The following WDR59 variants were observed in gnomAD, a reference collection of about 807,000 sequenced individuals.
The protein encoded by WDR59 is WD repeat domain 59, also known as GATOR2 complex protein WDR59.
In WDR59, 100 loss-of-function variants were observed where a neutral mutation model predicts 131.2. The observed-to-expected ratio is 0.76, with a 90% CI of 0.65 to 0.90. The LOEUF is 0.90. Among genes scored for constraint, WDR59 ranks in the 40% least tolerant of loss-of-function variants. WDR59 has a pLI of 0.00. For missense variants in WDR59, 1,203 were observed against 1,262.2 expected (o/e 0.95, Z 0.71); for synonymous variants, 601 against 466.2 (o/e 1.29, Z -3.72).
At chr16:74,920,201 T>G (rs2030056239) in intron 10 of WDR59, among the ~76,000 whole-genome samples, 1 of 152,176 alleles carries the variant, frequency 6.6e-6, no homozygotes, top group Non-Finnish European at 1.5e-5. Flanking sequence ...TTTTTTGACT[T>G]TATGATGGCG....
Position 74,874,245 on chromosome 16 carries a change from C to T in WDR59, c.2889G>A (p.Gly963=), listed in dbSNP as rs1320307647. The change falls in exon 26 of 26, where the codon GGG becomes GGA. Residue 963 remains glycine, a synonymous_variant. Transcript: ENST00000262144. ...TTTCAAGCAGGCAGTGGCACCCACA[C>T]CCGGTGGGACACACCTCCTGGGTCC... ...WFRTQEVCPT[G]CGCHCLLEST... 6.2e-7 allele frequency: 1 copy of T among 1,614,060 alleles called. No individual in the cohort carries two copies. The highest frequency in any genetic ancestry group is 2.2e-5 in the East Asian group (1 of 44,886).
At chr16:74,983,528 G>C (rs2034507071) in intron 1 of WDR59, among the ~76,000 whole-genome samples, 1 of 152,082 alleles carries the variant, frequency 6.6e-6, no homozygotes, top group Non-Finnish European at 1.5e-5. Flanking sequence ...CACTGTCCTA[G>C]GTGCTGGGGA....
intron 1 of WDR59, 46 bp downstream of exon 1, chr16:74,984,918 C>T (rs766491231): frequency 1.0e-4 from 160 of 1,588,448 alleles, no homozygotes; most frequent in Non-Finnish European, 1.3e-4. Context: ...GGAGGGGAAG[C>T]GGGGAGGACG....
chr16:74,976,820 C>T (rs1442891267), intron 1 of WDR59, among the ~76,000 whole-genome samples: 1 of 151,954 alleles, frequency 6.6e-6, no homozygotes, highest in Non-Finnish European at 1.5e-5. Context: ...GAGTTCGAGA[C>T]CAGCCTGGCC....
intron 10 of WDR59, among the ~76,000 whole-genome samples, chr16:74,919,994 C>G (rs1004156177): frequency 5.9e-5 from 9 of 151,780 alleles, no homozygotes; most frequent in African/African-American, 2.2e-4. Context: ...CTGCTCGAGC[C>G]CAGGAGGTCG....
intron 1 of WDR59, among the ~76,000 whole-genome samples, chr16:74,970,495 CAAAA>C (rs746574195): frequency 4.4e-3 from 145 of 33,290 alleles, no homozygotes; most frequent in African/African-American, 0.01. Context: ...ACTCTGTCTC[CAAAA>C]AAAAAAAAAA....
intron 18 of WDR59, among the ~76,000 whole-genome samples, chr16:74,903,388 A>T (rs1446246342): frequency 6.6e-6 from 1 of 152,172 alleles, no homozygotes; most frequent in Non-Finnish European, 1.5e-5. Context: ...TAACTACTTT[A>T]GGGACAATGA....
Position 74,893,819 on chromosome 16 carries a change from G to A in WDR59, c.1867-7C>T. ...TTTTCCATCGTCTTGATTTCTAGGGGTAGATGACAGGATGTAACTAATGGG... is the reference window on the plus strand; with the variant it reads ...TTTTCCATCGTCTTGATTTCTAGGGATAGATGACAGGATGTAACTAATGGG... On this transcript the variant is annotated splice_region_variant and splice_polypyrimidine_tract_variant and intron_variant, in intron 18 of 25. Coordinates refer to ENST00000262144, the MANE Select transcript of WDR59 (RefSeq NM_030581.4). 6.2e-7 allele frequency: 1 copy of A among 1,613,926 alleles called. No individual in the cohort carries two copies. The highest frequency in any genetic ancestry group is 8.5e-7 in the Non-Finnish European group (1 of 1,179,882).
intron 18 of WDR59, among the ~76,000 whole-genome samples, chr16:74,897,812 T>TA (rs1354133692): frequency 6.6e-6 from 1 of 152,188 alleles, no homozygotes; most frequent in East Asian, 1.9e-4. Context: ...TCACTGTCGG[T>TA]TTTTTATAAT....
At chr16:74,874,466 C>G (rs1023211497) in intron 25 of WDR59, 22 bp from the exon 26 acceptor site, 2 of 1,608,894 alleles carry the variant, frequency 1.2e-6, no homozygotes, top group Non-Finnish European at 1.7e-6. Flanking sequence ...CAGGGACGGG[C>G]AAAACAAGAG....
Position 74,893,794 on chromosome 16 carries a change from T to C in WDR59, c.1885A>G (p.Ser629Gly). The change falls in exon 19 of 26, where the codon AGT becomes GGT. Residue 629 changes from serine (S) to glycine (G), a missense_variant. Coordinates refer to ENST00000262144, the MANE Select transcript of WDR59 (RefSeq NM_030581.4). The part of the protein sequence containing the change: ...YKERKSRRWK[S>G]KREGSDSGNR... The stretch of plus-strand genomic sequence containing the variant: ...CCAGAGTCTGATCCCTCACGCTTAC[T>C]TTTCCATCGTCTTGATTTCTAGGGG... 1 of 1,614,078 alleles carries C rather than the reference T, an allele frequency of 6.2e-7. No individual in the cohort carries two copies.
intron 10 of WDR59, among the ~76,000 whole-genome samples, chr16:74,920,594 T>A (rs2030115448): frequency 6.6e-6 from 1 of 151,980 alleles, no homozygotes; most frequent in Non-Finnish European, 1.5e-5. Flanking sequence ...AGAGATGGGG[T>A]TTTGCCATGT....
chr16:74,889,032 G>T (rs563204117), intron 21 of WDR59, among the ~76,000 whole-genome samples: 4 of 152,314 alleles, frequency 2.6e-5, no homozygotes, highest in African/African-American at 9.6e-5. Context: ...GAAATAAGTA[G>T]AGTAAACCTT....
intron 18 of WDR59, chr16:74,899,780 G>A (rs1370831008): frequency 7.8e-7 from 1 of 1,286,536 alleles, no homozygotes; most frequent in South Asian, 1.2e-5. Flanking sequence ...TTACACCCAG[G>A]AGGAGGGAAG....
At chr16:74,881,846 C>G (rs1375766101) in intron 25 of WDR59, among the ~76,000 whole-genome samples, 5 of 141,484 alleles carry the variant, frequency 3.5e-5, no homozygotes, top group Non-Finnish European at 7.5e-5. Flanking sequence ...GCACTCCAGC[C>G]TGGGTGACAG....
chr16:74,917,796 G>T, intron 11 of WDR59, 133 bp downstream of exon 11: 1 of 715,070 alleles, frequency 1.4e-6, no homozygotes. Flanking sequence ...GCGATTCAGT[G>T]AGACGCACTC....
chr16:74,919,278 C>T (rs1283575622), intron 10 of WDR59, among the ~76,000 whole-genome samples: 1 of 151,924 alleles, frequency 6.6e-6, no homozygotes, highest in African/African-American at 2.4e-5. Context: ...CTGTTCATGC[C>T]ACCCTATGAT....
chr16:74,946,639 T>C (rs1472464017), intron 6 of WDR59, among the ~76,000 whole-genome samples: 3 of 151,894 alleles, frequency 2.0e-5, no homozygotes, highest in Non-Finnish European at 2.9e-5. Flanking sequence ...GGAGAAACGC[T>C]TGAACAACAG....
At chr16:74,939,911 G>C (rs1350284788) in intron 7 of WDR59, among the ~76,000 whole-genome samples, 1 of 152,150 alleles carries the variant, frequency 6.6e-6, no homozygotes, top group African/African-American at 2.4e-5. Flanking sequence ...CTTGAGTCCA[G>C]GAGTTTGAGG....
Sources: allele counts gnomAD v4.1 joint callset (sites outside exome capture counted in the v4.1 genomes callset), GRCh38; gene constraint gnomAD v4.1.1; transcripts MANE v1.5; gene names NCBI Gene and HGNC (gene_info 2026-07-23, HGNC 2026-07-21).